The following COPS7B variants were observed in gnomAD, a reference collection of about 807,000 sequenced individuals.
COPS7B encodes COP9 signalosome complex subunit 7b.
Under a neutral mutation model 33.4 loss-of-function variants are expected in COPS7B, and 9 were observed. The ratio of observed to expected loss-of-function variants is 0.27; its 90% CI spans 0.16 to 0.47. The LOEUF (loss-of-function observed/expected upper bound fraction) is 0.47, where lower values mean the gene tolerates loss of function less well. COPS7B is among the 20% of genes least tolerant of loss of function. The pLI, the probability that COPS7B is intolerant of heterozygous loss-of-function variation, is 0.99. For synonymous variants in COPS7B, 119 were observed against 126.3 expected (o/e 0.94, Z 0.39); for missense variants, 242 against 318.2 (o/e 0.76, Z 1.82).
At chr2:231,782,860 T>C (rs1292196747), upstream of COPS7B, among the ~76,000 whole-genome samples, 1 of 152,152 alleles carries the variant, frequency 6.6e-6, no homozygotes, top group Non-Finnish European at 1.5e-5. Flanking sequence ...TAACATACAG[T>C]ATGGGAACAA....
At chr2:231,782,485 T>C (rs1466470796), upstream of COPS7B, among the ~76,000 whole-genome samples, 1 of 152,190 alleles carries the variant, frequency 6.6e-6, no homozygotes, top group Non-Finnish European at 1.5e-5. Context: ...CCTCTGTCCT[T>C]CTCTTGGCCT....
At position 231,786,555 on chromosome 2, in the gene COPS7B, GGGT is replaced by G. The variant is rs2106303825; in HGVS notation, c.-17+20_-17+22del. 1 of 978,096 alleles carries G rather than the reference GGGT, an allele frequency of 1.0e-6. No individual in the cohort carries two copies. Among genetic ancestry groups the G allele is most frequent in the South Asian group, 4.7e-5 (1 of 21,146 alleles). 60.6% of individuals were successfully genotyped at this position (978,096 alleles called of 1,614,324 possible). A position where few individuals can be genotyped will look rare whatever the true frequency, so the allele number is the denominator to read the frequency against. On this transcript the variant is annotated intron_variant, in intron 1 of 6. Coordinates refer to ENST00000350033, the MANE Select transcript of COPS7B (RefSeq NM_022730.4). ...CGTGGACAGGTAGGAGCTAGCGAGA[GGGT>G]GGGCCGAGCGGGGCCGGCGCTCCAG...
At chr2:231,789,983 C>T (rs975922531) in intron 2 of COPS7B, 1 of 152,116 alleles carries the variant, frequency 6.6e-6, no homozygotes, top group African/African-American at 2.4e-5. Context: ...CCTTGCTTGC[C>T]GAACTATAAA....
intron 4 of COPS7B, among the ~76,000 whole-genome samples, chr2:231,794,694 A>G (rs2049513813): frequency 6.6e-6 from 1 of 152,208 alleles, no homozygotes; most frequent in Admixed American, 6.5e-5. Context: ...TCTGTTGCTC[A>G]GTACACAGTG....
At position 231,807,650 on chromosome 2, in the gene COPS7B, G is replaced by A. The variant is rs780869514; in HGVS notation, c.*5G>A. 2.1e-5 allele frequency: 33 copies of A among 1,548,544 alleles called. 1 individual carries two copies. The highest frequency in any genetic ancestry group is 1.3e-4 in the South Asian group (11 of 83,896). On this transcript the variant is annotated 3_prime_UTR_variant, in exon 7 of 7. Transcript: ENST00000350033. Reference sequence around the variant, plus strand: ...CTGGTCTCCAGCCGCCACTAGGGCCGGCTGGGGCAGCTGGCACTCACCAGG... The same window carrying A: ...CTGGTCTCCAGCCGCCACTAGGGCCAGCTGGGGCAGCTGGCACTCACCAGG...
intron 2 of COPS7B, chr2:231,791,517 T>C: frequency 1.8e-6 from 1 of 564,158 alleles, no homozygotes; most frequent in East Asian, 3.0e-5. Flanking sequence ...AAGTAAAACA[T>C]TCCTGAGAGA....
At chr2:231,793,360 G>C (rs1559360317) in intron 3 of COPS7B, among the ~76,000 whole-genome samples, 1 of 152,136 alleles carries the variant, frequency 6.6e-6, no homozygotes, top group Admixed American at 6.5e-5. Flanking sequence ...CCATGCTTAA[G>C]AAAAAATCAG....
chr2:231,791,899 A>G, intron 3 of COPS7B, 91 bp downstream of exon 3: 2 of 1,179,098 alleles, frequency 1.7e-6, no homozygotes. Flanking sequence ...AGCATGGGGT[A>G]GTGGGGAGAC....
chr2:231,800,582 G>A (rs964053262), intron 6 of COPS7B, among the ~76,000 whole-genome samples: 1 of 152,180 alleles, frequency 6.6e-6, no homozygotes, highest in Non-Finnish European at 1.5e-5. Flanking sequence ...ACAAAAGAAA[G>A]GCGGGTGTGC....
At chr2:231,792,671 A>G (rs1409851651) in intron 3 of COPS7B, among the ~76,000 whole-genome samples, 1 of 152,066 alleles carries the variant, frequency 6.6e-6, no homozygotes, top group Non-Finnish European at 1.5e-5. Flanking sequence ...TCTTTTTAAT[A>G]TTTTTAATAT....
In COPS7B at chr2:231,808,377, C is replaced by T. The variant is rs898967349; in HGVS notation, c.*732C>T. On this transcript the variant is annotated 3_prime_UTR_variant, in exon 7 of 7. Coordinates refer to ENST00000350033, the MANE Select transcript of COPS7B (RefSeq NM_022730.4). The stretch of plus-strand genomic sequence containing the variant: ...GGCTTGGCGTTCTCTCCTGGCCACT[C>T]TTCCTGCTGCCTCTGACTACTCAGC... The T allele has an allele frequency of 3.2e-5, 15 of 466,362 alleles. No individual in the cohort carries two copies. Among genetic ancestry groups the T allele is most frequent in the Non-Finnish European group, 6.7e-5 (15 of 224,532 alleles). The allele number at this position is 466,362 out of a possible 1,614,324, so 28.9% of individuals were successfully genotyped here.
intron 6 of COPS7B, among the ~76,000 whole-genome samples, chr2:231,799,311 G>A (rs544602344): frequency 6.6e-6 from 1 of 152,354 alleles, no homozygotes; most frequent in African/African-American, 2.4e-5. Flanking sequence ...TAAGTTACCA[G>A]GTGGAGTGGA....
At chr2:231,807,339 C>G in intron 6 of COPS7B, 148 bp from the exon 7 acceptor site, 2 of 721,436 alleles carry the variant, frequency 2.8e-6, no homozygotes, top group Non-Finnish European at 4.3e-6. Context: ...GTAGCCCAGG[C>G]TCGTTTCTGC....
intron 6 of COPS7B, among the ~76,000 whole-genome samples, chr2:231,802,087 A>ATATT (rs2049767462): frequency 6.6e-6 from 1 of 151,986 alleles, no homozygotes; most frequent in Admixed American, 6.6e-5. Flanking sequence ...ATTTTTCTTT[A>ATATT]TATTTGGATG....
intron 5 of COPS7B, 22 bp downstream of exon 5, chr2:231,796,330 G>C: frequency 6.2e-7 from 1 of 1,606,528 alleles, no homozygotes; most frequent in South Asian, 1.1e-5. Context: ...AGGAGGAGGG[G>C]GATATCTAGC....
rs1022679720 is a variant in COPS7B at position 231,807,684 on chromosome 2, A to C, written c.*39A>C. 3.3e-6 allele frequency: 5 copies of C among 1,516,852 alleles called. No individual in the cohort carries two copies. The highest frequency in any genetic ancestry group is 5.0e-5 in the East Asian group (2 of 40,334). The allele number at this position is 1,516,852 out of a possible 1,614,324, so 94.0% of individuals were successfully genotyped here. A position where few individuals can be genotyped will look rare whatever the true frequency, so the allele number is the denominator to read the frequency against. On this transcript the variant is annotated 3_prime_UTR_variant, in exon 7 of 7. Coordinates refer to ENST00000350033, the MANE Select transcript of COPS7B (RefSeq NM_022730.4). ...AGCTGGCACTCACCAGGCCTGGGTCAGGTGGGGAGGGGACACCAAGGGCCC... is the reference window on the plus strand; with the variant it reads ...AGCTGGCACTCACCAGGCCTGGGTCCGGTGGGGAGGGGACACCAAGGGCCC...
chr2:231,792,011 TGTG>T (rs1474526770), intron 3 of COPS7B: 4 of 686,410 alleles, frequency 5.8e-6, no homozygotes, highest in Non-Finnish European at 1.1e-5. Flanking sequence ...AAATGGGGCC[TGTG>T]TGTGCTCATC....
At chr2:231,781,695 C>T (rs1302484513), upstream of COPS7B, 12 of 720,524 alleles carry the variant, frequency 1.7e-5, no homozygotes, top group Non-Finnish European at 2.9e-5. Context: ...GCACTCGGTT[C>T]CTCTGTAACT....
chr2:231,786,332 G>A, upstream of COPS7B: 1 of 596,644 alleles, frequency 1.7e-6, no homozygotes, highest in East Asian at 1.4e-4. Context: ...ACCGGAGGTC[G>A]AAGGCTGTAA....
Sources: gnomAD v4.1 joint callset for allele counts (sites outside exome capture counted in the v4.1 genomes callset) on GRCh38, gnomAD v4.1.1 for gene constraint, MANE v1.5 for transcripts, NCBI Gene and HGNC (gene_info 2026-07-23, HGNC 2026-07-21) for gene names.